KCNMA1: variants seen among roughly 807,000 people sequenced by gnomAD.
KCNMA1 encodes potassium calcium-activated channel subfamily M alpha 1, also known as Calcium-activated potassium channel subunit alpha-1.
A neutral mutation model predicts 140.0 loss-of-function variants in KCNMA1; 29 were observed. The ratio of observed to expected loss-of-function variants is 0.21; its 90% confidence interval spans 0.15 to 0.28. The LOEUF (loss-of-function observed/expected upper bound fraction) is 0.28, where lower values mean the gene tolerates loss of function less well. KCNMA1 is among the 10% of genes least tolerant of loss of function. The pLI, the probability that KCNMA1 is intolerant of heterozygous loss-of-function variation, is 1.00. For synonymous variants in KCNMA1, 612 were observed against 611.9 expected, an observed-to-expected ratio of 1.00 and a Z score of 0.00; for missense variants, 880 against 1,602.2, an observed-to-expected ratio of 0.55 and a Z score of 7.70.
chr10:77,623,655 A>G (rs923751405), intron 1 of KCNMA1, among the ~76,000 whole-genome samples: 1 of 151,980 alleles, frequency 6.6e-6, no homozygotes, highest in South Asian at 2.1e-4. Context: ...GTGAGCCGAG[A>G]TCGTGACACT....
At chr10:77,387,607 C>A (rs11002148) in intron 2 of KCNMA1, among the ~76,000 whole-genome samples, 5 of 114,260 alleles carry the variant, frequency 4.4e-5, no homozygotes, top group Admixed American at 2.7e-4. Flanking sequence ...CTTTTCTTTT[C>A]TTTCTTTTCT....
intron 3 of KCNMA1, among the ~76,000 whole-genome samples, chr10:77,244,745 G>A (rs1233055826): frequency 6.6e-6 from 1 of 152,220 alleles, no homozygotes; most frequent in African/African-American, 2.4e-5. Context: ...GGAAGGCTGA[G>A]TTAGAGTTAC....
chr10:77,148,806 A>T (rs1456519995), intron 5 of KCNMA1, among the ~76,000 whole-genome samples: 1 of 152,240 alleles, frequency 6.6e-6, no homozygotes, highest in Non-Finnish European at 1.5e-5. Flanking sequence ...AAAATAGGTG[A>T]TGGACCAGAT....
At chr10:77,620,757 C>T (rs1001775066) in intron 1 of KCNMA1, among the ~76,000 whole-genome samples, 51 of 152,334 alleles carry the variant, frequency 3.3e-4, no homozygotes, top group African/African-American at 1.2e-3. Flanking sequence ...CTGTTATTCA[C>T]ATTGCCATTA....
intron 18 of KCNMA1, among the ~76,000 whole-genome samples, chr10:77,003,392 C>A (rs564780932): frequency 7.9e-5 from 12 of 152,266 alleles, no homozygotes; most frequent in African/African-American, 2.9e-4. Flanking sequence ...GCCCAGACAT[C>A]CCAAACAAAC....
At chr10:77,313,693 T>A (rs991181101) in intron 2 of KCNMA1, among the ~76,000 whole-genome samples, 1 of 152,170 alleles carries the variant, frequency 6.6e-6, no homozygotes, top group African/African-American at 2.4e-5. Context: ...ATTTACCTTA[T>A]ATCAATGTGG....
intron 13 of KCNMA1, among the ~76,000 whole-genome samples, chr10:77,074,559 G>A (rs1369780724): frequency 1.3e-5 from 2 of 152,230 alleles, no homozygotes; most frequent in Admixed American, 1.3e-4. Flanking sequence ...TACTTCAGGT[G>A]CTGCTGTGTA....
intron 2 of KCNMA1, among the ~76,000 whole-genome samples, chr10:77,392,061 A>G (rs1418146241): frequency 6.7e-6 from 1 of 149,892 alleles, no homozygotes; most frequent in Admixed American, 6.7e-5. Context: ...ATTTCCTGAA[A>G]TGCCTCCAGG....
intron 1 of KCNMA1, among the ~76,000 whole-genome samples, chr10:77,615,946 A>G (rs989142439): frequency 6.6e-6 from 1 of 152,196 alleles, no homozygotes; most frequent in Non-Finnish European, 1.5e-5. Context: ...AAGATGCTAA[A>G]TGCTATTATA....
intron 1 of KCNMA1, among the ~76,000 whole-genome samples, chr10:77,527,331 C>G (rs990895585): frequency 5.3e-5 from 8 of 152,236 alleles, no homozygotes; most frequent in African/African-American, 1.9e-4. Context: ...TCAGCCTCAG[C>G]CAGGGGAACA....
rs2097251225 is a variant in KCNMA1, at chr10:77,108,646, G to A, written c.1132-74C>T. On this transcript the variant is annotated intron_variant, in intron 8 of 27. Coordinates refer to ENST00000286628, the MANE Select transcript of KCNMA1 (RefSeq NM_001161352.2). This position sits in a 1 kb window ranked among gnomAD's most constrained non-coding sequence, Gnocchi z 4.6. ...AAGGGGGGACCTGTTCAGAGGGTGG[G>A]GGCACTAAGATCTGAAAACACAAAA... 2.8e-6 allele frequency: 3 copies of A among 1,087,264 alleles called. No individual in the cohort carries two copies. The highest frequency in any genetic ancestry group is 2.5e-5 in the South Asian group (2 of 79,850). 67.4% of individuals were successfully genotyped at this position (1,087,264 alleles called of 1,614,324 possible). A position where few individuals can be genotyped will look rare whatever the true frequency, so the allele number is the denominator to read the frequency against.
rs778889457 is a variant in KCNMA1 at position 77,027,840 on chromosome 10, A to G, written c.1911T>C (p.Ser637=). ...AAACTTACCGGCTCTCTCGGTTGGC[A>G]GACTTGTACTCAATGGCTATCATTA... is the stretch of plus-strand genomic sequence containing the variant. ...KLLMIAIEYK[S]ANRESRILIN... Residue 637 remains serine (S), a synonymous_variant, in exon 16 of 28, where the codon TCT becomes TCC. Transcript: ENST00000286628. 6.2e-7 allele frequency: 1 copy of G among 1,613,986 alleles called. No homozygotes were observed. Among genetic ancestry groups the G allele is most frequent in the Non-Finnish European group, 8.5e-7 (1 of 1,179,924 alleles).
At chr10:77,207,868 A>G (rs992901831) in intron 3 of KCNMA1, among the ~76,000 whole-genome samples, 46 of 152,170 alleles carry the variant, frequency 3.0e-4, no homozygotes, top group African/African-American at 1.1e-3. Flanking sequence ...TTTCTACCTC[A>G]CTACAATCCA....
intron 2 of KCNMA1, among the ~76,000 whole-genome samples, chr10:77,330,918 G>C (rs910029711): frequency 2.0e-5 from 3 of 152,186 alleles, no homozygotes; most frequent in Non-Finnish European, 4.4e-5. Context: ...AATAATGTGG[G>C]AGAGCACTGA....
At chr10:77,136,221 C>T (rs1440819524) in intron 5 of KCNMA1, among the ~76,000 whole-genome samples, 5 of 152,148 alleles carry the variant, frequency 3.3e-5, no homozygotes, top group Non-Finnish European at 7.4e-5. Context: ...CAAAATTGTT[C>T]ATTAAGCAAG....
intron 1 of KCNMA1, among the ~76,000 whole-genome samples, chr10:77,419,777 C>G (rs2154484379): frequency 6.6e-6 from 1 of 152,238 alleles, no homozygotes; most frequent in Non-Finnish European, 1.5e-5. Context: ...TCTTCTGGCA[C>G]AGGACAGAAA....
At chr10:77,024,358 G>C (rs1438915317) in intron 16 of KCNMA1, among the ~76,000 whole-genome samples, 1 of 151,808 alleles carries the variant, frequency 6.6e-6, no homozygotes, top group Non-Finnish European at 1.5e-5. Flanking sequence ...AGAAGAATCA[G>C]ATTTTGGAAA....
At chr10:76,987,854 T>C (rs2081697116) in intron 19 of KCNMA1, among the ~76,000 whole-genome samples, 1 of 152,156 alleles carries the variant, frequency 6.6e-6, no homozygotes, top group Admixed American at 6.5e-5. Context: ...ATTATCCTCT[T>C]AAAAAACAAG....
intron 3 of KCNMA1, among the ~76,000 whole-genome samples, chr10:77,195,827 T>C (rs1189789421): frequency 6.6e-6 from 1 of 152,058 alleles, no homozygotes; most frequent in Non-Finnish European, 1.5e-5. Context: ...TGAACACCTG[T>C]AGTCCCAGCT....
Sources: allele counts gnomAD v4.1 joint callset (sites outside exome capture counted in the v4.1 genomes callset), GRCh38; gene constraint gnomAD v4.1.1; non-coding constraint Gnocchi (gnomAD v3.1); transcripts MANE v1.5; gene names NCBI Gene and HGNC (gene_info 2026-07-23, HGNC 2026-07-21).